The following PPP1R21 variants were observed in gnomAD, a reference collection of about 807,000 sequenced individuals.
The protein encoded by PPP1R21 is KLRAQ motif containing 1.
A neutral mutation model predicts 112.8 loss-of-function variants in PPP1R21; 85 were observed. The ratio of observed to expected loss-of-function variants is 0.75; its 90% CI spans 0.63 to 0.90. PPP1R21 has a LOEUF of 0.90. PPP1R21 is among the 40% of genes least tolerant of loss of function. The pLI is 0.00. For missense variants in PPP1R21, 1,199 were observed against 901.5 expected (o/e 1.33, Z -4.23); for synonymous variants, 381 against 322.3 (o/e 1.18, Z -1.95).
chr2:48,469,360 T>G (rs1374497593), intron 9 of PPP1R21, among the ~76,000 whole-genome samples: 1 of 82,810 alleles, frequency 1.2e-5, no homozygotes, highest in African/African-American at 4.6e-5. Context: ...CATATATATA[T>G]AGAGCATATA....
At chr2:48,499,152 C>A (rs1432293208) in intron 17 of PPP1R21, among the ~76,000 whole-genome samples, 1 of 151,968 alleles carries the variant, frequency 6.6e-6, no homozygotes, top group Non-Finnish European at 1.5e-5. Flanking sequence ...CACAAACACG[C>A]AGGCCACAGT....
chr2:48,484,095 C>A (rs1669162470), intron 13 of PPP1R21, among the ~76,000 whole-genome samples: 1 of 152,196 alleles, frequency 6.6e-6, no homozygotes, highest in Non-Finnish European at 1.5e-5. Context: ...TAGCCACCCA[C>A]ACATTCCTTT....
intron 13 of PPP1R21, among the ~76,000 whole-genome samples, 193 bp downstream of exon 13, chr2:48,480,209 G>C (rs1668950247): frequency 6.6e-6 from 1 of 152,196 alleles, no homozygotes; most frequent in Admixed American, 6.5e-5. Flanking sequence ...GGTAAACAAA[G>C]TGCTGAAGAG....
chr2:48,445,279 G>A (rs1257395443), intron 1 of PPP1R21, among the ~76,000 whole-genome samples: 1 of 152,038 alleles, frequency 6.6e-6, no homozygotes, highest in Non-Finnish European at 1.5e-5. Flanking sequence ...TGTCCAGCAG[G>A]GTAACCGCTA....
At chr2:48,483,777 A>G (rs1669144490) in intron 13 of PPP1R21, among the ~76,000 whole-genome samples, 1 of 152,080 alleles carries the variant, frequency 6.6e-6, no homozygotes, top group African/African-American at 2.4e-5. Context: ...CCACCATGTA[A>G]CTTCTGACTA....
At chr2:48,479,541 A>T in intron 12 of PPP1R21, 1 of 479,910 alleles carries the variant, frequency 2.1e-6, no homozygotes. Flanking sequence ...CAGAAGCAGA[A>T]CTCTGTGATA....
intron 7 of PPP1R21, among the ~76,000 whole-genome samples, chr2:48,461,949 T>G (rs570022277): frequency 3.3e-5 from 5 of 151,950 alleles, no homozygotes; most frequent in African/African-American, 7.2e-5. Context: ...AAAAGAAAAA[T>G]AGCAGTTTGA....
intron 16 of PPP1R21, among the ~76,000 whole-genome samples, chr2:48,497,433 C>G (rs190957670): frequency 3.9e-5 from 6 of 152,274 alleles, no homozygotes; most frequent in Admixed American, 3.9e-4. Context: ...TCCTCTCCCC[C>G]AAAGGTAACC....
chr2:48,449,113 A>G (rs1025714732), intron 1 of PPP1R21, among the ~76,000 whole-genome samples: 2 of 151,852 alleles, frequency 1.3e-5, no homozygotes, highest in African/African-American at 4.8e-5. Context: ...CTTTGAAAAT[A>G]GAGAACATAT....
intron 12 of PPP1R21, among the ~76,000 whole-genome samples, chr2:48,476,832 TATAC>T (rs1027271641): frequency 2.0e-5 from 3 of 152,176 alleles, no homozygotes; most frequent in African/African-American, 7.2e-5. Flanking sequence ...CTTTATGTAT[TATAC>T]ATACAAGTCA....
intron 16 of PPP1R21, among the ~76,000 whole-genome samples, chr2:48,496,798 C>T (rs1285013564): frequency 6.6e-6 from 1 of 152,186 alleles, no homozygotes; most frequent in Non-Finnish European, 1.5e-5. Flanking sequence ...AGTCACATTT[C>T]TTCATGGTTG....
At chr2:48,472,652 C>A (rs545007826) in intron 11 of PPP1R21, among the ~76,000 whole-genome samples, 1 of 151,324 alleles carries the variant, frequency 6.6e-6, no homozygotes, top group Non-Finnish European at 1.5e-5. Context: ...TAATTACTTA[C>A]AGATACTGAA....
intron 3 of PPP1R21, among the ~76,000 whole-genome samples, chr2:48,457,351 T>C (rs1354913046): frequency 6.6e-6 from 1 of 152,152 alleles, no homozygotes. Context: ...AAATCACTGA[T>C]TCAAATTGGA....
chr2:48,507,102 C>T lies in PPP1R21; in HGVS notation c.1969-167C>T, dbSNP rs553938808. On this transcript the variant is annotated intron_variant, in intron 18 of 21. Transcript: ENST00000294952. ...CTAAATAAAAGAAATTTGGAATATA[C>T]ACTTCCCTGCTATGTCTGAAGTTTC... 85 of 940,650 alleles carry T rather than the reference C, an allele frequency of 9.0e-5. 3 individuals are homozygous for T. The South Asian group carries it at 2.0e-3, about 22-fold the overall frequency. The allele number at this position is 940,650 out of a possible 1,614,324, so 58.3% of individuals were successfully genotyped here. A position where few individuals can be genotyped will look rare whatever the true frequency, so the allele number is the denominator to read the frequency against.
chr2:48,494,717 T>C (rs747723541), intron 15 of PPP1R21, among the ~76,000 whole-genome samples: 5 of 151,260 alleles, frequency 3.3e-5, no homozygotes, highest in Admixed American at 6.6e-5. Context: ...TGCCTGGCCT[T>C]ATTTATTTAT....
intron 21 of PPP1R21, 82 bp downstream of exon 21, chr2:48,511,550 A>G (rs1484182077): frequency 1.3e-6 from 2 of 1,505,220 alleles, no homozygotes; most frequent in Non-Finnish European, 1.8e-6. Flanking sequence ...TTCAGGAGGA[A>G]GAGGACATAA....
chr2:48,493,076 G>T (rs1178952238), intron 15 of PPP1R21, among the ~76,000 whole-genome samples: 1 of 148,256 alleles, frequency 6.7e-6, no homozygotes, highest in Non-Finnish European at 1.5e-5. Context: ...GAGTGCAGTG[G>T]CATGATCTCG....
At chr2:48,499,541 G>A (rs1019873889) in intron 17 of PPP1R21, among the ~76,000 whole-genome samples, 15 of 152,146 alleles carry the variant, frequency 9.9e-5, no homozygotes, top group Non-Finnish European at 1.9e-4. Context: ...GGGCAGCATA[G>A]TGAGACCCTG....
chr2:48,486,860 A>T (rs779227337), intron 14 of PPP1R21, 102 bp downstream of exon 14: 5 of 1,279,792 alleles, frequency 3.9e-6, no homozygotes, highest in African/African-American at 1.5e-5. Context: ...TTGTAATATA[A>T]GGGTTTACTG....
Sources: gnomAD v4.1 joint callset for allele counts (sites outside exome capture counted in the v4.1 genomes callset) on GRCh38, gnomAD v4.1.1 for gene constraint, MANE v1.5 for transcripts, NCBI Gene and HGNC (gene_info 2026-07-23, HGNC 2026-07-21) for gene names.